Variants in LUZP2 observed in about 807,000 individuals in gnomAD.
The protein encoded by LUZP2 is leucine zipper protein 2.
In LUZP2, 52 loss-of-function variants were observed where a neutral mutation model predicts 51.6. That is an observed-to-expected ratio of 1.01 (90% confidence interval 0.81 to 1.27). The LOEUF is 1.27. LUZP2 is among the 50% of genes most tolerant of loss of function. The pLI, the probability that LUZP2 is intolerant of heterozygous loss-of-function variation, is 0.00. For synonymous variants in LUZP2, 154 were observed against 137.3 expected (o/e 1.12, Z -0.85); for missense variants, 436 against 395.4 (o/e 1.10, Z -0.87).
chr11:24,929,832 C>T (rs1267554180), intron 7 of LUZP2, among the ~76,000 whole-genome samples: 3 of 152,096 alleles, frequency 2.0e-5, no homozygotes, highest in Non-Finnish European at 4.4e-5. Context: ...AAGTGTTCTA[C>T]TATTATTGTC....
In LUZP2 at chr11:24,525,658, C is replaced by A. The variant is rs1850775247; in HGVS notation, c.62+28353C>A. ...TAATATACTGCTTTTTTATGATTTT[C>A]ACACAATTAGAATAAGATTTTCATC... On this transcript the variant is annotated intron_variant, in intron 1 of 11. Transcript: ENST00000336930. Among the ~76,000 whole-genome samples, 3 of 151,246 alleles carry A rather than the reference C, an allele frequency of 2.0e-5. No homozygotes were observed. The South Asian group carries it at 6.2e-4, about 31-fold the overall frequency.
intron 1 of LUZP2, among the ~76,000 whole-genome samples, chr11:24,527,971 G>C (rs1467937044): frequency 2.0e-5 from 3 of 151,238 alleles, no homozygotes; most frequent in African/African-American, 7.3e-5. Flanking sequence ...GGAGGAAACT[G>C]CAAATTCACA....
intron 7 of LUZP2, among the ~76,000 whole-genome samples, chr11:24,950,802 C>T (rs1021231554): frequency 6.6e-6 from 1 of 151,082 alleles, no homozygotes; most frequent in Non-Finnish European, 1.5e-5. Flanking sequence ...TATTTTAGTA[C>T]TTTTTTTTGA....
intron 7 of LUZP2, among the ~76,000 whole-genome samples, chr11:24,960,499 A>T (rs1016367917): frequency 1.3e-5 from 2 of 151,962 alleles, no homozygotes; most frequent in Non-Finnish European, 2.9e-5. Context: ...TGAGGAATTT[A>T]TCCATTTCTT....
At chr11:24,531,075 G>T (rs1006795959) in intron 1 of LUZP2, among the ~76,000 whole-genome samples, 20 of 113,282 alleles carry the variant, frequency 1.8e-4, no homozygotes, top group African/African-American at 9.0e-4. Context: ...TTTGCCAGTG[G>T]AATTAACTTT....
intron 1 of LUZP2, among the ~76,000 whole-genome samples, chr11:24,620,180 T>A (rs11028072): frequency 0.35 from 53,288 of 152,048 alleles, 9,454 homozygotes; most frequent in Middle Eastern, 0.43. Flanking sequence ...CTGAAATAAA[T>A]TTTTTAAGAT....
At chr11:24,630,899 T>C (rs1442482535) in intron 1 of LUZP2, among the ~76,000 whole-genome samples, 2 of 151,918 alleles carry the variant, frequency 1.3e-5, no homozygotes, top group African/African-American at 4.8e-5. Flanking sequence ...AGTTTCTTTT[T>C]GTAGAGATCT....
intron 10 of LUZP2, among the ~76,000 whole-genome samples, chr11:25,075,388 G>T (rs193069829): frequency 6.6e-6 from 1 of 152,226 alleles, no homozygotes; most frequent in African/African-American, 2.4e-5. Flanking sequence ...TACAAAGAAA[G>T]CAGGCATTTA....
intron 3 of LUZP2, among the ~76,000 whole-genome samples, chr11:24,733,087 T>C (rs888609502): frequency 2.6e-5 from 4 of 151,814 alleles, no homozygotes; most frequent in Non-Finnish European, 5.9e-5. Context: ...CATCAGCCTA[T>C]ATGTCCTCCA....
chr11:24,687,645 G>A (rs1475580932), intron 1 of LUZP2, among the ~76,000 whole-genome samples: 2 of 152,052 alleles, frequency 1.3e-5, no homozygotes, highest in Admixed American at 1.3e-4. Flanking sequence ...TGCAAACTTG[G>A]CACCCCTACT....
intron 1 of LUZP2, among the ~76,000 whole-genome samples, chr11:24,679,222 T>A (rs1000094462): frequency 6.6e-6 from 1 of 152,214 alleles, no homozygotes; most frequent in Non-Finnish European, 1.5e-5. Context: ...TCTTTATTGC[T>A]TTATTTACTC....
At chr11:24,942,324 C>T (rs141332919) in intron 7 of LUZP2, among the ~76,000 whole-genome samples, 135 of 152,226 alleles carry the variant, frequency 8.9e-4, no homozygotes, top group East Asian at 7.9e-3. Context: ...ATTTCCACCA[C>T]CAGTGTATGA....
chr11:24,685,045 G>A (rs1375136164), intron 1 of LUZP2, among the ~76,000 whole-genome samples: 3 of 151,794 alleles, frequency 2.0e-5, no homozygotes, highest in African/African-American at 4.8e-5. Flanking sequence ...GTGTGTGTGT[G>A]TGTGTGTGTG....
intron 7 of LUZP2, among the ~76,000 whole-genome samples, chr11:24,929,091 A>T (rs994849972): frequency 6.6e-6 from 1 of 151,664 alleles, no homozygotes; most frequent in Non-Finnish European, 1.5e-5. Flanking sequence ...ATCCCCTTTC[A>T]TTTCTGATTA....
chr11:24,594,683 C>T (rs575121519), intron 1 of LUZP2, among the ~76,000 whole-genome samples: 1 of 148,858 alleles, frequency 6.7e-6, no homozygotes, highest in African/African-American at 2.5e-5. Context: ...AGTAAATATT[C>T]ATATGGAAAC....
intron 7 of LUZP2, among the ~76,000 whole-genome samples, chr11:24,926,222 C>CGT (rs1565118427): frequency 3.9e-5 from 5 of 127,736 alleles, no homozygotes; most frequent in Admixed American, 2.4e-4. Flanking sequence ...TATATATATA[C>CGT]GTGTATATAT....
At chr11:24,899,894 A>G (rs1853219790) in intron 5 of LUZP2, among the ~76,000 whole-genome samples, 1 of 152,202 alleles carries the variant, frequency 6.6e-6, no homozygotes, top group Non-Finnish European at 1.5e-5. Flanking sequence ...AACAAAGAGA[A>G]AACTCAGAGA....
chr11:25,014,978 G>A (rs908307291), intron 9 of LUZP2, among the ~76,000 whole-genome samples: 1 of 152,098 alleles, frequency 6.6e-6, no homozygotes, highest in African/African-American at 2.4e-5. Context: ...TGGCTAGCCA[G>A]TTTCCCCAGC....
At chr11:24,655,891 A>G (rs1336190930) in intron 1 of LUZP2, among the ~76,000 whole-genome samples, 2 of 152,212 alleles carry the variant, frequency 1.3e-5, no homozygotes, top group South Asian at 2.1e-4. Flanking sequence ...AGATACGAGT[A>G]TGATAGCTCT....
Sources: allele counts gnomAD v4.1 joint callset (sites outside exome capture counted in the v4.1 genomes callset), GRCh38; gene constraint gnomAD v4.1.1; transcripts MANE v1.5; gene names NCBI Gene and HGNC (gene_info 2026-07-23, HGNC 2026-07-21).